NEMF: variants seen among roughly 807,000 people sequenced by gnomAD.
NEMF encodes ribosome quality control complex subunit NEMF.
NEMF carries 89 observed loss-of-function variants against 162.2 expected under a neutral mutation model. The ratio of observed to expected loss-of-function variants is 0.55; its 90% CI spans 0.46 to 0.65. NEMF has a LOEUF of 0.65. NEMF is among the 30% of genes least tolerant of loss of function. The pLI, the probability that NEMF is intolerant of heterozygous loss-of-function variation, is 0.00. For synonymous variants in NEMF, 421 were observed against 404.5 expected, an observed-to-expected ratio of 1.04 and a Z score of -0.49; for missense variants, 1,133 against 1,261.9, an observed-to-expected ratio of 0.90 and a Z score of 1.55.
rs117680982 is a variant in NEMF at position 49,838,369 on chromosome 14, A to G, written c.507-163T>C. Among the ~76,000 whole-genome samples the G allele has an allele frequency of 6.9e-3, 1,045 of 152,278 alleles. 6 individuals carry two copies. The highest frequency in any genetic ancestry group is 0.033 in the South Asian group (160 of 4,822). On this transcript the variant is annotated intron_variant, in intron 5 of 32. Coordinates refer to ENST00000298310, the MANE Select transcript of NEMF (RefSeq NM_004713.6). The stretch of plus-strand genomic sequence containing the variant: ...GTTGTGAGAAAATGGATCATAAAAG[A>G]TATTTACCCAAGATTAACAGGTTCT...
intron 1 of NEMF, 125 bp downstream of exon 1, chr14:49,852,570 C>A: frequency 1.9e-6 from 2 of 1,042,492 alleles, no homozygotes; most frequent in Admixed American, 2.0e-5. Context: ...CCACTCAGGC[C>A]TAGGCAGGTC....
chr14:49,808,942 A>G (rs548200738), intron 18 of NEMF, among the ~76,000 whole-genome samples: 6 of 152,328 alleles, frequency 3.9e-5, no homozygotes, highest in African/African-American at 1.2e-4. Flanking sequence ...GCTCTGCATC[A>G]TATGTCACCA....
chr14:49,852,724 G>C lies in NEMF; in HGVS notation c.30C>G (p.Leu10=). The stretch of plus-strand genomic sequence containing the variant: ...CATTCAGCTCCGCGAGTACGGCGCG[G>C]AGGTCAATGGTGCTAAAGCGGCTCT... MKSRFSTID[L]RAVLAELNAS... Residue 10 remains leucine (L), a synonymous_variant, in exon 1 of 33, where the codon CTC becomes CTG. Transcript: ENST00000298310. 1 of 1,614,256 alleles carries C rather than the reference G, an allele frequency of 6.2e-7. No homozygotes were observed. Among genetic ancestry groups the C allele is most frequent in the Non-Finnish European group, 8.5e-7 (1 of 1,180,054 alleles).
At position 49,784,086 on chromosome 14, in the gene NEMF, G is replaced by C. The variant is rs1377385909; in HGVS notation, c.*550C>G. The C allele has an allele frequency of 1.3e-5, 2 of 150,916 alleles. No individual in the cohort carries two copies. Among genetic ancestry groups the C allele is most frequent in the African/African-American group, 4.9e-5 (2 of 41,002 alleles). The allele number at this position is 150,916 out of a possible 1,614,324, so 9.3% of individuals were successfully genotyped here. On this transcript the variant is annotated 3_prime_UTR_variant, in exon 33 of 33. Transcript: ENST00000298310. ...TTGGTATTAACCTCCCAAATTTCAA[G>C]AAAATGTAGAATAACTACAGATGTA...
chr14:49,816,058 T>C (rs1358466810), intron 16 of NEMF, among the ~76,000 whole-genome samples: 2 of 152,188 alleles, frequency 1.3e-5, no homozygotes, highest in African/African-American at 2.4e-5. Flanking sequence ...GAGGGAGCCA[T>C]TGTGACTGGC....
At chr14:49,787,425 C>T (rs1277201664) in intron 28 of NEMF, among the ~76,000 whole-genome samples, 1 of 152,192 alleles carries the variant, frequency 6.6e-6, no homozygotes, top group East Asian at 1.9e-4. Flanking sequence ...GTGGCTCATA[C>T]CTGTAATCCC....
chr14:49,827,209 C>T (rs1248995493), intron 15 of NEMF, among the ~76,000 whole-genome samples: 11 of 152,090 alleles, frequency 7.2e-5, no homozygotes, highest in African/African-American at 9.7e-5. Flanking sequence ...TTTTTTGAGA[C>T]GGAGTCTCGC....
intron 3 of NEMF, among the ~76,000 whole-genome samples, chr14:49,848,481 T>A (rs1468278202): frequency 6.6e-6 from 1 of 152,148 alleles, no homozygotes; most frequent in Non-Finnish European, 1.5e-5. Context: ...TACAATTGTT[T>A]CTAATTTTTT....
At chr14:49,794,388 C>A (rs976671315) in intron 26 of NEMF, among the ~76,000 whole-genome samples, 2 of 151,862 alleles carry the variant, frequency 1.3e-5, no homozygotes, top group Non-Finnish European at 2.9e-5. Flanking sequence ...TTGCAGCTCA[C>A]TGGAAAAAAG....
intron 6 of NEMF, among the ~76,000 whole-genome samples, chr14:49,835,500 A>G (rs1056303082): frequency 6.6e-6 from 1 of 152,210 alleles, no homozygotes; most frequent in African/African-American, 2.4e-5. Context: ...TAAACTAGGA[A>G]TAGAGGGAGC....
intron 5 of NEMF, among the ~76,000 whole-genome samples, chr14:49,839,073 TTTTTTTTA>T (rs1893062851): frequency 6.8e-6 from 1 of 147,520 alleles, no homozygotes; most frequent in East Asian, 1.9e-4. Context: ...GTTAATTTTT[TTTTTTTTA>T]TTTTTTTTAT....
intron 26 of NEMF, among the ~76,000 whole-genome samples, chr14:49,793,526 A>C (rs190559736): frequency 3.3e-5 from 5 of 152,330 alleles, no homozygotes; most frequent in Admixed American, 2.0e-4. Context: ...GGTAAAAATG[A>C]CAATTCCCCA....
At chr14:49,826,065 TAC>T (rs147058569) in intron 15 of NEMF, 110 bp from the exon 16 acceptor site, 1,911 of 615,688 alleles carry the variant, frequency 3.1e-3, no homozygotes, top group South Asian at 4.3e-3. Context: ...TGGCACAATC[TAC>T]ACACACACAC....
chr14:49,818,270 T>C (rs1891822228), intron 16 of NEMF: 1 of 152,138 alleles, frequency 6.6e-6, no homozygotes, highest in Non-Finnish European at 1.5e-5. Context: ...TTTTTTGTAT[T>C]TTTAGTAGAG....
chr14:49,820,343 C>G (rs192948894), intron 16 of NEMF: 1 of 443,750 alleles, frequency 2.3e-6, no homozygotes, highest in East Asian at 7.2e-5. Context: ...TAATGAATAC[C>G]TTTTGAGTTT....
intron 4 of NEMF, among the ~76,000 whole-genome samples, chr14:49,843,558 G>C (rs1893320241): frequency 1.3e-5 from 2 of 152,164 alleles, no homozygotes; most frequent in South Asian, 4.1e-4. Flanking sequence ...TAACAATGGG[G>C]ATACATTCTA....
intron 26 of NEMF, 102 bp from the exon 27 acceptor site, chr14:49,789,675 G>A: frequency 2.7e-6 from 4 of 1,457,760 alleles, no homozygotes; most frequent in East Asian, 4.8e-5. Flanking sequence ...TGTCAAAAAT[G>A]CTTACTGAAT....
intron 8 of NEMF, 41 bp from the exon 9 acceptor site, chr14:49,832,318 A>C: frequency 1.5e-6 from 2 of 1,340,498 alleles, no homozygotes; most frequent in Non-Finnish European, 2.1e-6. Flanking sequence ...ATTCATAATT[A>C]ACAAAGATTT....
At chr14:49,793,182 T>G (rs536693876) in intron 26 of NEMF, among the ~76,000 whole-genome samples, 26 of 152,312 alleles carry the variant, frequency 1.7e-4, no homozygotes, top group African/African-American at 5.8e-4. Flanking sequence ...AACATTATAT[T>G]TTTGCTTTTC....
Sources: allele counts gnomAD v4.1 joint callset (sites outside exome capture counted in the v4.1 genomes callset), GRCh38; gene constraint gnomAD v4.1.1; transcripts MANE v1.5; gene names NCBI Gene and HGNC (gene_info 2026-07-23, HGNC 2026-07-21).